SNAP91: variants seen among roughly 807,000 people sequenced by gnomAD.
SNAP91 encodes the protein synaptosome associated protein 91, also known as clathrin coat assembly protein AP180.
In SNAP91, 27 loss-of-function variants were observed where a neutral mutation model predicts 100.3. The ratio of observed to expected loss-of-function variants is 0.27; its 90% CI spans 0.20 to 0.37. The LOEUF (loss-of-function observed/expected upper bound fraction) is 0.37. SNAP91 is among the 10% of genes least tolerant of loss of function. The pLI is 1.00. For missense variants in SNAP91, 986 were observed against 1,123.7 expected, an observed-to-expected ratio of 0.88 and a Z score of 1.75; for synonymous variants, 404 against 398.6, an observed-to-expected ratio of 1.01 and a Z score of -0.16.
rs989001838 is a variant in SNAP91 at position 83,592,914 on chromosome 6, C to A, written c.1846+32G>T. 6 of 1,513,730 alleles carry A rather than the reference C, an allele frequency of 4.0e-6. No homozygotes were observed. The African/African-American group carries it at 5.5e-5, about 14-fold the overall frequency. The allele number at this position is 1,513,730 out of a possible 1,614,324, so 93.8% of individuals were successfully genotyped here. ...TCTATGCATTACTTCCACAAGACATCTCTGAAGTCCTGACCTTGGCAAAGC... is the reference window on the plus strand; with the variant it reads ...TCTATGCATTACTTCCACAAGACATATCTGAAGTCCTGACCTTGGCAAAGC... On this transcript the variant is annotated intron_variant, in intron 20 of 29. Transcript: ENST00000369694.
chr6:83,619,099 A>G (rs910699495), intron 9 of SNAP91, among the ~76,000 whole-genome samples: 3 of 140,422 alleles, frequency 2.1e-5, no homozygotes, highest in Non-Finnish European at 3.1e-5. Flanking sequence ...AATTGAAAAA[A>G]TAAGTAGAAG....
chr6:83,627,969 C>T lies in SNAP91; in HGVS notation c.766-4627G>A, dbSNP rs547120680. Reference sequence around the variant, plus strand: ...GCACCCATCACCATAGTAGTGTACACTGCACCTGTATTTGGAGTCTTTATC... The same window carrying T: ...GCACCCATCACCATAGTAGTGTACATTGCACCTGTATTTGGAGTCTTTATC... On this transcript the variant is annotated intron_variant, in intron 8 of 29. Transcript: ENST00000369694. Among the ~76,000 whole-genome samples the T allele has an allele frequency of 7.2e-5, 11 of 151,806 alleles. No individual in the cohort carries two copies. The East Asian group carries it at 2.1e-3, about 30-fold the overall frequency.
At chr6:83,628,341 A>G (rs1446435630) in intron 8 of SNAP91, among the ~76,000 whole-genome samples, 2 of 150,734 alleles carry the variant, frequency 1.3e-5, no homozygotes, top group African/African-American at 2.4e-5. Flanking sequence ...ATGTGTGTGC[A>G]AGTATGACTT....
chr6:83,666,919 T>C (rs2098697646), intron 2 of SNAP91, among the ~76,000 whole-genome samples: 1 of 152,094 alleles, frequency 6.6e-6, no homozygotes, highest in Non-Finnish European at 1.5e-5. Context: ...AGAATAGATG[T>C]ATATTTGTCA....
chr6:83,658,855 G>T, intron 6 of SNAP91, 144 bp downstream of exon 6: 2 of 634,004 alleles, frequency 3.2e-6, no homozygotes, highest in Non-Finnish European at 5.4e-6. Context: ...AATCTTTACC[G>T]AGCTTAACAG....
intron 12 of SNAP91, among the ~76,000 whole-genome samples, chr6:83,610,286 G>A (rs1335504068): frequency 6.6e-6 from 1 of 151,940 alleles, no homozygotes; most frequent in Non-Finnish European, 1.5e-5. Context: ...TCAAAAGGGA[G>A]GAAATTCAGG....
Position 83,580,527 on chromosome 6 carries a change from A to C in SNAP91, c.2222T>G (p.Val741Gly). 6.2e-7 allele frequency: 1 copy of C among 1,613,876 alleles called. No homozygotes were observed. The highest frequency in any genetic ancestry group is 1.1e-5 in the South Asian group (1 of 91,082). The change falls in exon 24 of 30, where the codon GTA (valine) becomes GGA (glycine). Residue 741 changes from valine to glycine, a missense_variant. Physicochemically the swap from Val to Gly is moderately radical, Grantham distance 109 (BLOSUM62 -3). Coordinates refer to ENST00000369694, the MANE Select transcript of SNAP91 (RefSeq NM_001242792.2). Reference sequence around the variant, plus strand: ...GGCTGCCATTGCAGGACTGGGTGGTACCATTGAGACAGGTGCAGGCTGCCC... The same window carrying C: ...GGCTGCCATTGCAGGACTGGGTGGTCCCATTGAGACAGGTGCAGGCTGCCC... Reference protein sequence around the residue: ...PAGQPAPVSMVPPSPAMAASK... With the variant: ...PAGQPAPVSMGPPSPAMAASK...
rs1033654 is a variant in SNAP91, at chr6:83,593,323, C to T, written c.1697-64G>A. On this transcript the variant is annotated intron_variant, in intron 18 of 29. Transcript: ENST00000369694. Reference sequence around the variant, plus strand: ...CAATAAGCCTGACACAGCATCACTTCCCAGTCCTTAATTAGCACTTTGAAG... The same window carrying T: ...CAATAAGCCTGACACAGCATCACTTTCCAGTCCTTAATTAGCACTTTGAAG... 0.011 allele frequency: 16,215 copies of T among 1,529,816 alleles called. 1,309 individuals are homozygous for T. In the African/African-American group the frequency reaches 0.18, roughly 17 times the overall value. 94.8% of individuals were successfully genotyped at this position (1,529,816 alleles called of 1,614,324 possible). A position where few individuals can be genotyped will look rare whatever the true frequency, so the allele number is the denominator to read the frequency against.
Position 83,707,876 on chromosome 6 carries a change from T to C in SNAP91, c.52A>G (p.Thr18Ala), listed in dbSNP as rs771893385. The C allele has an allele frequency of 6.2e-7, 1 of 1,611,656 alleles. No individual in the cohort carries two copies. Among genetic ancestry groups the C allele is most frequent in the South Asian group, 1.1e-5 (1 of 90,608 alleles). ...ACCGCTCTTGCTACAGCAGAGCCTGTAACGCTGTACTGAGCGGCGGCGATC... is the reference window on the plus strand; with the variant it reads ...ACCGCTCTTGCTACAGCAGAGCCTGCAACGCTGTACTGAGCGGCGGCGATC... ...DRIAAAQYSV[T>A]GSAVARAVCK... The change falls in exon 2 of 30, where the codon ACA becomes GCA. Residue 18 changes from threonine to alanine, a missense_variant. Transcript: ENST00000369694.
At chr6:83,626,585 G>A (rs1168946041) in intron 8 of SNAP91, among the ~76,000 whole-genome samples, 2 of 151,960 alleles carry the variant, frequency 1.3e-5, no homozygotes, top group East Asian at 3.8e-4. Context: ...TCCTTGGTTA[G>A]AGGTACTCCT....
chr6:83,650,007 T>C (rs952223841), intron 7 of SNAP91, among the ~76,000 whole-genome samples: 1 of 152,162 alleles, frequency 6.6e-6, no homozygotes, highest in Non-Finnish European at 1.5e-5. Context: ...TGTTCTACTA[T>C]AATTTGTTGA....
At chr6:83,689,307 T>C (rs1234383990) in intron 2 of SNAP91, among the ~76,000 whole-genome samples, 1 of 152,206 alleles carries the variant, frequency 6.6e-6, no homozygotes, top group African/African-American at 2.4e-5. Flanking sequence ...TGAGACTACA[T>C]AGCACAGTTT....
At chr6:83,646,817 A>G (rs565238185) in intron 7 of SNAP91, among the ~76,000 whole-genome samples, 29 of 152,314 alleles carry the variant, frequency 1.9e-4, no homozygotes, top group African/African-American at 7.0e-4. Flanking sequence ...CTTCTTATCC[A>G]TGAACATGGA....
chr6:83,664,417 G>A (rs1372057668), intron 3 of SNAP91, among the ~76,000 whole-genome samples: 1 of 152,092 alleles, frequency 6.6e-6, no homozygotes, highest in Non-Finnish European at 1.5e-5. Flanking sequence ...AGGACATACA[G>A]ATAGCAACAT....
chr6:83,595,608 C>G (rs764551415), intron 16 of SNAP91, among the ~76,000 whole-genome samples: 1 of 152,058 alleles, frequency 6.6e-6, no homozygotes, highest in African/African-American at 2.4e-5. Flanking sequence ...GAGTGGAGAC[C>G]AGCACCCACC....
At chr6:83,633,074 C>A (rs1406581000) in intron 8 of SNAP91, among the ~76,000 whole-genome samples, 1 of 152,172 alleles carries the variant, frequency 6.6e-6, no homozygotes, top group Non-Finnish European at 1.5e-5. Context: ...CCCATGGGGT[C>A]TTCCCTTGAT....
chr6:83,678,811 C>T, intron 2 of SNAP91: 1 of 1,284,954 alleles, frequency 7.8e-7, no homozygotes, highest in Non-Finnish European at 1.0e-6. Flanking sequence ...ATCTTACTTC[C>T]TAGGAGGAAT....
chr6:83,625,174 G>A (rs952619036), intron 8 of SNAP91, among the ~76,000 whole-genome samples: 1 of 152,074 alleles, frequency 6.6e-6, no homozygotes, highest in Non-Finnish European at 1.5e-5. Context: ...GTTCACTTAC[G>A]ATAATGGCCC....
chr6:83,564,592 T>G (rs1186776975), intron 26 of SNAP91, among the ~76,000 whole-genome samples: 1 of 152,110 alleles, frequency 6.6e-6, no homozygotes, highest in Non-Finnish European at 1.5e-5. Flanking sequence ...CTCAGACTCC[T>G]GAGCTCAAGT....
Sources: gnomAD v4.1 joint callset for allele counts (sites outside exome capture counted in the v4.1 genomes callset) on GRCh38, gnomAD v4.1.1 for gene constraint, MANE v1.5 for transcripts, NCBI Gene and HGNC (gene_info 2026-07-23, HGNC 2026-07-21) for gene names.